Variants in PCDH15 observed in about 807,000 individuals in gnomAD.
PCDH15 encodes the protein protocadherin related 15.
PCDH15 carries 129 observed loss-of-function variants against 178.5 expected under a neutral mutation model. The observed-to-expected ratio is 0.72, with a 90% CI of 0.63 to 0.84. The LOEUF (loss-of-function observed/expected upper bound fraction) is 0.84. Ranked by LOEUF, PCDH15 falls within the 40% of genes least tolerant of loss-of-function variation. The pLI is 0.00. For synonymous variants in PCDH15, 800 were observed against 732.0 expected, an observed-to-expected ratio of 1.09 and a Z score of -1.50; for missense variants, 2,230 against 2,099.9, an observed-to-expected ratio of 1.06 and a Z score of -1.21.
intron 22 of PCDH15, among the ~76,000 whole-genome samples, 196 bp from the exon 23 acceptor site, chr10:53,960,040 C>T (rs2088125773): frequency 1.3e-5 from 2 of 152,024 alleles, no homozygotes; most frequent in Admixed American, 1.3e-4. Flanking sequence ...TACAATAATC[C>T]AGCCAGATAA....
chr10:55,202,911 G>T (rs1175006473), intron 1 of PCDH15, among the ~76,000 whole-genome samples: 1 of 152,104 alleles, frequency 6.6e-6, no homozygotes, highest in African/African-American at 2.4e-5. Context: ...GGCCTCCCAG[G>T]CCATCTGGAA....
At chr10:53,973,164 C>T (rs977414202) in intron 21 of PCDH15, among the ~76,000 whole-genome samples, 5 of 151,870 alleles carry the variant, frequency 3.3e-5, no homozygotes, top group African/African-American at 1.2e-4. Flanking sequence ...AGCTGGAAAC[C>T]ATCATTCTGA....
chr10:54,479,005 G>GAAAAA (rs557476375), intron 3 of PCDH15, among the ~76,000 whole-genome samples: 4 of 96,046 alleles, frequency 4.2e-5, no homozygotes, highest in African/African-American at 7.5e-5. Context: ...CTAGGGAAAA[G>GAAAAA]AAAAAAAAAA....
intron 2 of PCDH15, among the ~76,000 whole-genome samples, chr10:55,052,172 C>G (rs1841179731): frequency 6.6e-6 from 1 of 151,300 alleles, no homozygotes; most frequent in African/African-American, 2.4e-5. Context: ...ACTGCAAGCT[C>G]TGCCTCTTGG....
chr10:54,878,638 C>T (rs1409550602), intron 3 of PCDH15, among the ~76,000 whole-genome samples: 1 of 152,076 alleles, frequency 6.6e-6, no homozygotes, highest in Non-Finnish European at 1.5e-5. Context: ...ATGCTGTGAG[C>T]ATAGATGAAA....
At chr10:54,220,868 A>ATAAATAAG (rs879938253) in intron 9 of PCDH15, among the ~76,000 whole-genome samples, 2,073 of 143,134 alleles carry the variant, frequency 0.014, 37 homozygotes, top group African/African-American at 0.048. Context: ...AAATAAATAA[A>ATAAATAAG]TAAGTAAAAT....
intron 2 of PCDH15, among the ~76,000 whole-genome samples, chr10:55,334,674 A>G (rs185129418): frequency 6.6e-5 from 10 of 152,146 alleles, no homozygotes; most frequent in Middle Eastern, 3.4e-3. Flanking sequence ...TATAAAGAGT[A>G]ATGATTCTTA....
intron 2 of PCDH15, among the ~76,000 whole-genome samples, chr10:54,987,504 C>T (rs1839401852): frequency 1.3e-5 from 2 of 152,278 alleles, no homozygotes; most frequent in South Asian, 4.1e-4. Flanking sequence ...ATTCCTATTT[C>T]TCCACAGCCT....
chr10:53,856,927 T>C (rs2078785238), intron 28 of PCDH15, among the ~76,000 whole-genome samples: 1 of 151,850 alleles, frequency 6.6e-6, no homozygotes, highest in Admixed American at 6.6e-5. Context: ...AGAAAGAAAA[T>C]AATAGACACT....
At chr10:54,778,982 A>G (rs1467255705) in intron 1 of PCDH15, among the ~76,000 whole-genome samples, 1 of 152,084 alleles carries the variant, frequency 6.6e-6, no homozygotes, top group Non-Finnish European at 1.5e-5. Flanking sequence ...ATTGCTTTTA[A>G]ATAACTTATG....
intron 3 of PCDH15, among the ~76,000 whole-genome samples, chr10:54,818,538 C>T (rs1952984159): frequency 1.3e-5 from 2 of 151,994 alleles, no homozygotes; most frequent in South Asian, 4.1e-4. Context: ...CCATCTGGTT[C>T]TCTTGAAATG....
At chr10:55,116,879 G>A (rs1018720878) in intron 2 of PCDH15, among the ~76,000 whole-genome samples, 8 of 152,158 alleles carry the variant, frequency 5.3e-5, no homozygotes, top group African/African-American at 1.7e-4. Flanking sequence ...CATAATGAGA[G>A]AAAAGAATGC....
chr10:54,981,144 G>T (rs1167399857), intron 2 of PCDH15, among the ~76,000 whole-genome samples: 1 of 152,032 alleles, frequency 6.6e-6, no homozygotes, highest in Non-Finnish European at 1.5e-5. Flanking sequence ...AAGGAATGCT[G>T]CAACAAACAA....
chr10:54,130,712 A>C (rs2042368138), intron 15 of PCDH15, among the ~76,000 whole-genome samples: 2 of 152,206 alleles, frequency 1.3e-5, no homozygotes, highest in South Asian at 4.1e-4. Flanking sequence ...ATTTGCTGCT[A>C]TCTTCAAAAC....
chr10:54,687,879 AAAATTCTGCAAT>A (rs1162528515), intron 1 of PCDH15, among the ~76,000 whole-genome samples: 1 of 152,066 alleles, frequency 6.6e-6, no homozygotes, highest in East Asian at 1.9e-4. Context: ...CATCTTTAAG[AAAATTCTGCAAT>A]ATATAATACA....
At chr10:54,941,132 T>C (rs1230492498) in intron 2 of PCDH15, among the ~76,000 whole-genome samples, 1 of 152,112 alleles carries the variant, frequency 6.6e-6, no homozygotes, top group African/African-American at 2.4e-5. Flanking sequence ...TACTTTTTGG[T>C]GCAATATTTC....
intron 20 of PCDH15, among the ~76,000 whole-genome samples, chr10:54,019,138 A>G (rs1487496865): frequency 6.6e-6 from 1 of 151,956 alleles, no homozygotes; most frequent in African/African-American, 2.4e-5. Context: ...TTCCAAGTCT[A>G]TTCAGGAAGC....
chr10:54,584,156 G>A (rs2091276963), intron 2 of PCDH15, among the ~76,000 whole-genome samples: 1 of 152,044 alleles, frequency 6.6e-6, no homozygotes, highest in South Asian at 2.1e-4. Flanking sequence ...GGAAGCTGAG[G>A]AGAATGACTT....
intron 15 of PCDH15, among the ~76,000 whole-genome samples, chr10:54,122,067 C>T (rs2041577456): frequency 6.8e-6 from 1 of 146,630 alleles, no homozygotes; most frequent in Non-Finnish European, 1.5e-5. Flanking sequence ...AATGAAACTA[C>T]TGGCCCATGC....
Sources: allele counts gnomAD v4.1 joint callset (sites outside exome capture counted in the v4.1 genomes callset), GRCh38; gene constraint gnomAD v4.1.1; transcripts MANE v1.5; gene names NCBI Gene and HGNC (gene_info 2026-07-23, HGNC 2026-07-21).